TMEM117: variants seen among roughly 807,000 people sequenced by gnomAD.
TMEM117 encodes transmembrane protein 117.
Under a neutral mutation model 52.4 loss-of-function variants are expected in TMEM117, and 27 were observed. The ratio of observed to expected loss-of-function variants is 0.51; its 90% CI spans 0.38 to 0.71. The LOEUF (loss-of-function observed/expected upper bound fraction) is 0.71, where lower values mean the gene tolerates loss of function less well. Ranked by LOEUF, TMEM117 falls within the 30% of genes least tolerant of loss-of-function variation. TMEM117 has a pLI of 0.00. For synonymous variants in TMEM117, 215 were observed against 206.3 expected (o/e 1.04, Z -0.36); for missense variants, 556 against 630.5 (o/e 0.88, Z 1.26).
intron 6 of TMEM117, among the ~76,000 whole-genome samples, chr12:44,348,513 A>T (rs1341495588): frequency 6.6e-6 from 1 of 152,008 alleles, no homozygotes; most frequent in African/African-American, 2.4e-5. Context: ...CATTCTGATA[A>T]TACGTTCTTA....
chr12:43,843,183 C>T (rs867005335), intron 1 of TMEM117, among the ~76,000 whole-genome samples: 35 of 152,202 alleles, frequency 2.3e-4, no homozygotes, highest in Middle Eastern at 3.2e-3. Flanking sequence ...CCTCTTCCCC[C>T]TCTTCCCTTT....
intron 6 of TMEM117, among the ~76,000 whole-genome samples, chr12:44,340,836 G>A (rs749409445): frequency 2.3e-4 from 35 of 152,146 alleles, no homozygotes; most frequent in East Asian, 3.9e-4. Flanking sequence ...GCATACAAGT[G>A]CAGTCCTGCT....
At chr12:43,974,583 A>G (rs2137701383) in intron 3 of TMEM117, among the ~76,000 whole-genome samples, 1 of 152,172 alleles carries the variant, frequency 6.6e-6, no homozygotes, top group South Asian at 2.1e-4. Flanking sequence ...GCTCCTTGGA[A>G]TTTCTGTTTT....
chr12:44,123,902 A>G (rs7298069), intron 3 of TMEM117, among the ~76,000 whole-genome samples: 16,467 of 152,166 alleles, frequency 0.11, 2,473 homozygotes, highest in African/African-American at 0.34. Context: ...TTGGTTTTAT[A>G]TGAACTTTAA....
At chr12:44,019,958 A>G (rs1312893068) in intron 3 of TMEM117, among the ~76,000 whole-genome samples, 1 of 152,220 alleles carries the variant, frequency 6.6e-6, no homozygotes, top group Non-Finnish European at 1.5e-5. Context: ...TTGTAATAGA[A>G]TCTGGTTGTT....
At chr12:44,045,446 A>G (rs1201260194) in intron 3 of TMEM117, among the ~76,000 whole-genome samples, 2 of 152,178 alleles carry the variant, frequency 1.3e-5, no homozygotes, top group East Asian at 1.9e-4. Flanking sequence ...CCTGCATGCA[A>G]TGCTCCAAGA....
At chr12:43,831,575 A>C, upstream of TMEM117, among the ~76,000 whole-genome samples, 1 of 145,614 alleles carries the variant, frequency 6.9e-6, no homozygotes, top group African/African-American at 2.6e-5. Flanking sequence ...ACCAAGTCTC[A>C]CTCTGTCACC....
At chr12:43,843,102 G>A (rs541839198) in intron 1 of TMEM117, among the ~76,000 whole-genome samples, 1 of 152,282 alleles carries the variant, frequency 6.6e-6, no homozygotes, top group East Asian at 1.9e-4. Context: ...ATGATACAAT[G>A]ATACACGCAG....
chr12:43,862,301 T>C (rs1943504465), intron 2 of TMEM117, among the ~76,000 whole-genome samples: 1 of 152,228 alleles, frequency 6.6e-6, no homozygotes, highest in South Asian at 2.1e-4. Flanking sequence ...CGGGAGTAGA[T>C]GGGACTACAG....
chr12:43,906,423 A>G (rs931840368), intron 2 of TMEM117, among the ~76,000 whole-genome samples: 4 of 150,766 alleles, frequency 2.7e-5, no homozygotes, highest in South Asian at 2.1e-4. Flanking sequence ...AGATTGCACT[A>G]CTGCTCTTCA....
intron 3 of TMEM117, among the ~76,000 whole-genome samples, chr12:44,052,215 T>C (rs1451992327): frequency 6.6e-6 from 1 of 152,186 alleles, no homozygotes; most frequent in Non-Finnish European, 1.5e-5. Context: ...GCTTCAGTAC[T>C]ATTGGGCTTG....
chr12:44,094,995 T>G (rs1199535175), intron 3 of TMEM117, among the ~76,000 whole-genome samples: 1 of 152,126 alleles, frequency 6.6e-6, no homozygotes, highest in African/African-American at 2.4e-5. Context: ...CCAGACTAAT[T>G]AGTTAAAATA....
chr12:43,877,420 G>T (rs1943816816), intron 2 of TMEM117, among the ~76,000 whole-genome samples: 1 of 152,036 alleles, frequency 6.6e-6, no homozygotes, highest in Non-Finnish European at 1.5e-5. Flanking sequence ...GAACACCTGA[G>T]GTCAGGAGTT....
At chr12:44,090,769 C>T (rs1474499324) in intron 3 of TMEM117, among the ~76,000 whole-genome samples, 1 of 151,238 alleles carries the variant, frequency 6.6e-6, no homozygotes, top group East Asian at 1.9e-4. Flanking sequence ...AAGAAAAACA[C>T]TTAATTCCTC....
At chr12:43,947,218 C>T (rs1442012243) in intron 3 of TMEM117, among the ~76,000 whole-genome samples, 2 of 152,098 alleles carry the variant, frequency 1.3e-5, no homozygotes, top group Non-Finnish European at 2.9e-5. Context: ...CCTTGTAGTC[C>T]TAGCTACTTG....
intron 3 of TMEM117, among the ~76,000 whole-genome samples, chr12:43,957,136 G>A (rs1243332514): frequency 6.6e-6 from 1 of 152,098 alleles, no homozygotes; most frequent in Admixed American, 6.5e-5. Flanking sequence ...GGGAACAACA[G>A]ACACTGGGGC....
At chr12:43,804,214 C>T in the TMEM117 span, 6 of 471,792 alleles carry the variant, frequency 1.3e-5, no homozygotes, top group Non-Finnish European at 2.5e-5. Flanking sequence ...GAAGCACTGA[C>T]ATTAGAAATG....
chr12:44,263,152 C>G lies in TMEM117; in HGVS notation c.609-36428C>G, dbSNP rs143638358. 2.5e-3 allele frequency among the ~76,000 whole-genome samples: 383 copies of G among 152,044 alleles called. 12 individuals are homozygous for G. In the East Asian group the frequency reaches 0.035, roughly 14 times the overall value. ...TTTCACTTTGAAAAGTTAATAATATCGTGAAATAAATTCTGTTGCTTTTAT... is the reference window on the plus strand; with the variant it reads ...TTTCACTTTGAAAAGTTAATAATATGGTGAAATAAATTCTGTTGCTTTTAT... On this transcript the variant is annotated intron_variant, in intron 5 of 7. Coordinates refer to ENST00000266534, the MANE Select transcript of TMEM117 (RefSeq NM_032256.3).
chr12:44,377,558 A>G (rs532456883), intron 7 of TMEM117, among the ~76,000 whole-genome samples: 1 of 152,298 alleles, frequency 6.6e-6, no homozygotes, highest in Non-Finnish European at 1.5e-5. Context: ...AGTCATTCTC[A>G]TCTAAAAAGG....
Sources: allele counts gnomAD v4.1 joint callset (sites outside exome capture counted in the v4.1 genomes callset), GRCh38; gene constraint gnomAD v4.1.1; transcripts MANE v1.5; gene names NCBI Gene and HGNC (gene_info 2026-07-23, HGNC 2026-07-21).